The following DENND2B variants were observed in gnomAD, a reference collection of about 807,000 sequenced individuals.
DENND2B encodes DENN domain containing 2B.
In DENND2B, 32 loss-of-function variants were observed where a neutral mutation model predicts 116.0. The observed-to-expected ratio is 0.28, with a 90% CI of 0.21 to 0.37. The LOEUF is 0.37. Among genes scored for constraint, DENND2B ranks in the 10% least tolerant of loss-of-function variants. DENND2B has a pLI of 1.00. For synonymous variants in DENND2B, 588 were observed against 583.9 expected (o/e 1.01, Z -0.10); for missense variants, 1,276 against 1,477.7 (o/e 0.86, Z 2.24).
intron 1 of DENND2B, chr11:8,787,265 A>G (rs1031478159): frequency 3.9e-5 from 6 of 152,234 alleles, no homozygotes; most frequent in Non-Finnish European, 5.9e-5. Context: ...GCTCTATGCT[A>G]TAAGGCAAGA....
intron 1 of DENND2B, among the ~76,000 whole-genome samples, chr11:8,803,257 C>T (rs924994881): frequency 1.3e-5 from 2 of 152,124 alleles, no homozygotes; most frequent in Non-Finnish European, 2.9e-5. Context: ...TGGTGGCGCA[C>T]ATCTGTAATC....
intron 11 of DENND2B, 146 bp downstream of exon 11, chr11:8,710,699 G>A (rs1330701391): frequency 2.5e-6 from 2 of 800,886 alleles, no homozygotes. Flanking sequence ...GGGGGTTCGG[G>A]GTGGCCTCAG....
chr11:8,897,375 T>A (rs1270357709), intron 1 of DENND2B, among the ~76,000 whole-genome samples: 5 of 151,986 alleles, frequency 3.3e-5, no homozygotes, highest in African/African-American at 1.2e-4. Context: ...GTATTTTGAG[T>A]TTTTGCAATC....
chr11:8,893,291 A>T (rs1177157701), intron 1 of DENND2B, among the ~76,000 whole-genome samples: 1 of 152,216 alleles, frequency 6.6e-6, no homozygotes, highest in Non-Finnish European at 1.5e-5. Flanking sequence ...AGCCAATATC[A>T]TACTGAATGG....
intron 4 of DENND2B, among the ~76,000 whole-genome samples, chr11:8,834,906 C>A (rs1431345978): frequency 6.6e-6 from 1 of 152,120 alleles, no homozygotes; most frequent in Non-Finnish European, 1.5e-5. Context: ...CAAAACAATA[C>A]CTCTGTAAAT....
chr11:8,844,180 G>T (rs1300854604), intron 3 of DENND2B, among the ~76,000 whole-genome samples: 2 of 152,100 alleles, frequency 1.3e-5, no homozygotes, highest in African/African-American at 2.4e-5. Context: ...TGGGAGAATG[G>T]CTTGAGCTCA....
chr11:8,767,670 A>G (rs2056100329), intron 1 of DENND2B, among the ~76,000 whole-genome samples: 1 of 152,208 alleles, frequency 6.6e-6, no homozygotes, highest in Non-Finnish European at 1.5e-5. Context: ...TCATTCCGCA[A>G]GTATTTTTTG....
At position 8,711,140 on chromosome 11, in the gene DENND2B, G is replaced by A. The variant is rs2043593976; in HGVS notation, c.2264C>T (p.Pro755Leu). 21 of 1,613,990 alleles carry A rather than the reference G, an allele frequency of 1.3e-5. No homozygotes were observed. Among genetic ancestry groups the A allele is most frequent in the Non-Finnish European group, 1.6e-5 (19 of 1,179,988 alleles). ...GCCTCACCTGCTATACTCTGACACA[G>A]GAAGCCAGTCCTTGGCATCAGGGAA... ...FCFPDAKDWL[P>L]VSEYSSETFS... The change falls in exon 10 of 20, where the codon CCT becomes CTT. Residue 755 changes from proline to leucine, a missense_variant. Coordinates refer to ENST00000313726, the MANE Select transcript of DENND2B (RefSeq NM_213618.2).
At position 8,712,582 on chromosome 11, in the gene DENND2B, T is replaced by C. The variant is rs904613035; in HGVS notation, c.2141A>G (p.Tyr714Cys). Residue 714 changes from tyrosine to cysteine, a missense_variant, in exon 9 of 20, where the codon TAC becomes TGC. Tyr to Cys is a radical substitution (Grantham distance 194). Coordinates refer to ENST00000313726, the MANE Select transcript of DENND2B (RefSeq NM_213618.2). The surrounding 1 kb of genome is among the most constrained non-coding windows in gnomAD (Gnocchi z 4.4). ...AAACTGGTAGGAGACTTCGGGGAGGTAGGTGTTTCGCGATGGCTTCTTCTT... is the reference window on the plus strand; with the variant it reads ...AAACTGGTAGGAGACTTCGGGGAGGCAGGTGTTTCGCGATGGCTTCTTCTT... Reference protein sequence around the residue: ...SLKKKPSRNTYLPEVSYQFPK... With the variant: ...SLKKKPSRNTCLPEVSYQFPK... 1 of 1,554,242 alleles carries C rather than the reference T, an allele frequency of 6.4e-7. No homozygotes were observed. The highest frequency in any genetic ancestry group is 1.4e-5 in the African/African-American group (1 of 73,206).
chr11:8,737,708 CTCCT>C (rs1181883700), intron 2 of DENND2B, among the ~76,000 whole-genome samples: 1 of 151,446 alleles, frequency 6.6e-6, no homozygotes, highest in Non-Finnish European at 1.5e-5. Context: ...TCCTCCCTCC[CTCCT>C]TTCTTTTCTT....
upstream of DENND2B, among the ~76,000 whole-genome samples, chr11:8,874,834 A>G (rs2134717764): frequency 6.6e-6 from 1 of 151,840 alleles, no homozygotes; most frequent in East Asian, 1.9e-4. Context: ...TTGAGGTGGG[A>G]GGATTGCTTG....
At chr11:8,710,159 A>T (rs2043342807) in intron 11 of DENND2B, among the ~76,000 whole-genome samples, 1 of 152,216 alleles carries the variant, frequency 6.6e-6, no homozygotes, top group Non-Finnish European at 1.5e-5. Context: ...AACATTGTCA[A>T]CAACCCAGTA....
chr11:8,808,409 C>T (rs1322408452), intron 1 of DENND2B: 1 of 152,202 alleles, frequency 6.6e-6, no homozygotes, highest in East Asian at 1.9e-4. Context: ...TATATAAACA[C>T]ATGAGTCAGG....
chr11:8,784,051 G>A (rs2058653904), intron 1 of DENND2B: 1 of 152,148 alleles, frequency 6.6e-6, no homozygotes, highest in Non-Finnish European at 1.5e-5. Flanking sequence ...AGCTCCTTTG[G>A]TGAGCGAAGT....
At chr11:8,762,500 G>C (rs998212407) in intron 1 of DENND2B, among the ~76,000 whole-genome samples, 2 of 152,338 alleles carry the variant, frequency 1.3e-5, no homozygotes, top group South Asian at 4.1e-4. Flanking sequence ...GCCTCCCCCT[G>C]TGAAAACCCA....
At chr11:8,731,278 C>T in intron 2 of DENND2B, 69 bp from the exon 3 acceptor site, 1 of 1,371,286 alleles carries the variant, frequency 7.3e-7, no homozygotes. Flanking sequence ...CCAGTGGCAT[C>T]CTGTTTTATT....
At chr11:8,870,048 A>T (rs998478495) in intron 2 of DENND2B, among the ~76,000 whole-genome samples, 1 of 152,230 alleles carries the variant, frequency 6.6e-6, no homozygotes, top group African/African-American at 2.4e-5. Context: ...CAGTGTGTGC[A>T]GCTAAGAGGT....
At chr11:8,875,108 G>T (rs1256000988), upstream of DENND2B, among the ~76,000 whole-genome samples, 1 of 152,096 alleles carries the variant, frequency 6.6e-6, no homozygotes, top group Admixed American at 6.5e-5. Flanking sequence ...CAGATCACAA[G>T]GTCAGGAGAT....
chr11:8,698,137 CAAAAA>C (rs33975736), intron 16 of DENND2B, among the ~76,000 whole-genome samples: 77 of 39,818 alleles, frequency 1.9e-3, no homozygotes, highest in East Asian at 2.3e-3. Context: ...ACCCTGTCTC[CAAAAA>C]AAAAAAAAAA....
Sources: allele counts gnomAD v4.1 joint callset (sites outside exome capture counted in the v4.1 genomes callset), GRCh38; gene constraint gnomAD v4.1.1; non-coding constraint Gnocchi (gnomAD v3.1); transcripts MANE v1.5; gene names NCBI Gene and HGNC (gene_info 2026-07-23, HGNC 2026-07-21).